Variants in ANTXR1 observed in about 807,000 individuals in gnomAD.
ANTXR1 encodes ANTXR cell adhesion molecule 1.
Under a neutral mutation model 78.1 loss-of-function variants are expected in ANTXR1, and 19 were observed. The ratio of observed to expected loss-of-function variants is 0.24; its 90% CI spans 0.17 to 0.36. The LOEUF (loss-of-function observed/expected upper bound fraction) is 0.36. Ranked by LOEUF, ANTXR1 falls within the 10% of genes least tolerant of loss-of-function variation. The pLI is 1.00. For synonymous variants in ANTXR1, 273 were observed against 260.5 expected, an observed-to-expected ratio of 1.05 and a Z score of -0.46; for missense variants, 518 against 718.6, an observed-to-expected ratio of 0.72 and a Z score of 3.19.
At chr2:69,128,753 G>A (rs1672630831) in intron 12 of ANTXR1, among the ~76,000 whole-genome samples, 1 of 152,188 alleles carries the variant, frequency 6.6e-6, no homozygotes, top group Non-Finnish European at 1.5e-5. Context: ...TTGTTTCTTG[G>A]GAAGCTGGTT....
chr2:69,104,629 T>C (rs1178493185), intron 10 of ANTXR1, among the ~76,000 whole-genome samples: 2 of 152,082 alleles, frequency 1.3e-5, no homozygotes, highest in Non-Finnish European at 2.9e-5. Flanking sequence ...CATCAGAAAC[T>C]CCTGAAGGTT....
intron 17 of ANTXR1, among the ~76,000 whole-genome samples, chr2:69,213,868 C>T (rs920991273): frequency 2.0e-5 from 3 of 152,238 alleles, no homozygotes; most frequent in African/African-American, 4.8e-5. Context: ...TTTTACAAGT[C>T]GCAAGTGGAT....
intron 17 of ANTXR1, among the ~76,000 whole-genome samples, chr2:69,213,138 C>G (rs1179770284): frequency 2.0e-5 from 3 of 152,002 alleles, no homozygotes; most frequent in Non-Finnish European, 4.4e-5. Flanking sequence ...TAATAACATA[C>G]AAAGTGCAAA....
At chr2:69,072,310 T>C (rs1670591085) in intron 5 of ANTXR1, among the ~76,000 whole-genome samples, 1 of 152,222 alleles carries the variant, frequency 6.6e-6, no homozygotes, top group Admixed American at 6.5e-5. Flanking sequence ...TACTACAGTG[T>C]CTTTCGTGAG....
intron 1 of ANTXR1, among the ~76,000 whole-genome samples, chr2:69,016,728 AT>A (rs1671037939): frequency 6.6e-6 from 1 of 152,248 alleles, no homozygotes; most frequent in Non-Finnish European, 1.5e-5. Flanking sequence ...AGCAGGTAGA[AT>A]TTTAAATTTT....
intron 13 of ANTXR1, among the ~76,000 whole-genome samples, chr2:69,166,118 AC>A (rs1409591794): frequency 1.3e-5 from 2 of 152,178 alleles, no homozygotes; most frequent in Non-Finnish European, 2.9e-5. Context: ...ACTATTTCCA[AC>A]AGCCAAACTC....
intron 12 of ANTXR1, among the ~76,000 whole-genome samples, chr2:69,143,583 G>C (rs1373930868): frequency 6.6e-6 from 1 of 152,074 alleles, no homozygotes; most frequent in Non-Finnish European, 1.5e-5. Flanking sequence ...ATCTAGATGA[G>C]AGTTTAAACT....
At chr2:69,037,017 G>A (rs1282966073) in intron 1 of ANTXR1, among the ~76,000 whole-genome samples, 3 of 152,212 alleles carry the variant, frequency 2.0e-5, no homozygotes, top group Middle Eastern at 3.2e-3. Flanking sequence ...TGGTGAGCTC[G>A]TGGGAGACTC....
At chr2:69,186,930 C>G (rs1468226652) in intron 16 of ANTXR1, among the ~76,000 whole-genome samples, 1 of 152,156 alleles carries the variant, frequency 6.6e-6, no homozygotes, top group Non-Finnish European at 1.5e-5. Context: ...GTGACCCATC[C>G]ACTCGCTGCC....
At chr2:69,046,985 C>T (rs542809185) in intron 3 of ANTXR1, among the ~76,000 whole-genome samples, 2 of 152,252 alleles carry the variant, frequency 1.3e-5, no homozygotes, top group South Asian at 2.1e-4. Context: ...CAAAGATATA[C>T]GGCTGATCCT....
At chr2:69,046,811 G>C (rs1281945467) in intron 3 of ANTXR1, among the ~76,000 whole-genome samples, 2 of 152,150 alleles carry the variant, frequency 1.3e-5, no homozygotes, top group African/African-American at 4.8e-5. Context: ...TATCTCACTT[G>C]ATTGTCACAA....
intron 17 of ANTXR1, among the ~76,000 whole-genome samples, chr2:69,196,851 C>T (rs1674676995): frequency 6.6e-6 from 1 of 152,226 alleles, no homozygotes; most frequent in Non-Finnish European, 1.5e-5. Context: ...TCCTTAGTTC[C>T]TGTCTCCTTC....
intron 16 of ANTXR1, among the ~76,000 whole-genome samples, chr2:69,192,727 C>T (rs1450095774): frequency 1.3e-5 from 2 of 152,192 alleles, no homozygotes; most frequent in Admixed American, 1.3e-4. Flanking sequence ...CACTCTTCTC[C>T]GTTTCAGCCA....
chr2:69,214,324 A>C (rs1675125727), intron 17 of ANTXR1, among the ~76,000 whole-genome samples: 1 of 152,222 alleles, frequency 6.6e-6, no homozygotes, highest in Non-Finnish European at 1.5e-5. Flanking sequence ...CATGATCAAA[A>C]CAAAGCTTTG....
In ANTXR1 at chr2:69,193,349, C is replaced by T. The variant is rs560706300; in HGVS notation, c.1368C>T (p.Ala456=). The change falls in exon 17 of 18, where the codon GCC becomes GCT. Residue 456 remains alanine (A), a synonymous_variant. Coordinates refer to ENST00000303714, the MANE Select transcript of ANTXR1 (RefSeq NM_032208.3). ...TTTTATTTCAGGGAAAACTCGATGC[C>T]TTGTGGGTCCTACTGAGGAAAGGAT... ...WYSPIKGKLD[A]LWVLLRKGYD... 24 of 1,613,768 alleles carry T rather than the reference C, an allele frequency of 1.5e-5. No homozygotes were observed. The highest frequency in any genetic ancestry group is 1.5e-4 in the African/African-American group (11 of 74,944).
chr2:69,016,617 A>G lies in ANTXR1; in HGVS notation c.152+2966A>G, dbSNP rs190902093. On this transcript the variant is annotated intron_variant, in intron 1 of 17. Coordinates refer to ENST00000303714, the MANE Select transcript of ANTXR1 (RefSeq NM_032208.3). ...CTATACACTTTTAGATGGAAATGCA[A>G]TTACCAAACGTCATCTGCGTTATGA... Among the ~76,000 whole-genome samples, 613 of 152,346 alleles carry G rather than the reference A, an allele frequency of 4.0e-3. 6 individuals are homozygous for G. The highest frequency in any genetic ancestry group is 5.5e-3 in the Non-Finnish European group (371 of 68,030).
chr2:69,087,725 C>T (rs975822948), intron 8 of ANTXR1, among the ~76,000 whole-genome samples: 1 of 152,140 alleles, frequency 6.6e-6, no homozygotes, highest in African/African-American at 2.4e-5. Context: ...ATCAGCGATT[C>T]CCCAGTGCTG....
At chr2:69,068,336 G>A (rs1344762813) in intron 3 of ANTXR1, among the ~76,000 whole-genome samples, 3 of 152,182 alleles carry the variant, frequency 2.0e-5, no homozygotes, top group African/African-American at 7.2e-5. Flanking sequence ...GTGCTATAAA[G>A]CAAAATTGTG....
intron 12 of ANTXR1, among the ~76,000 whole-genome samples, chr2:69,127,583 A>G (rs1672581853): frequency 6.6e-6 from 1 of 152,174 alleles, no homozygotes; most frequent in Non-Finnish European, 1.5e-5. Flanking sequence ...GAAGGCAGAC[A>G]GAGACAAAGA....
Sources: allele counts gnomAD v4.1 joint callset (sites outside exome capture counted in the v4.1 genomes callset), GRCh38; gene constraint gnomAD v4.1.1; transcripts MANE v1.5; gene names NCBI Gene and HGNC (gene_info 2026-07-23, HGNC 2026-07-21).